LTBP1: variants seen among roughly 807,000 people sequenced by gnomAD.
The protein encoded by LTBP1 is latent transforming growth factor beta binding protein 1.
A neutral mutation model predicts 207.6 loss-of-function variants in LTBP1; 129 were observed. That is an observed-to-expected ratio of 0.62 (90% confidence interval 0.54 to 0.72). The LOEUF is 0.72. Ranked by LOEUF, LTBP1 falls within the 30% of genes least tolerant of loss-of-function variation. The probability of loss-of-function intolerance (pLI) is 0.00; values close to 1 mark genes in which losing one functional copy is unlikely to be tolerated. For missense variants in LTBP1, 2,281 were observed against 2,217.2 expected (o/e 1.03, Z -0.58); for synonymous variants, 963 against 833.7 (o/e 1.16, Z -2.67).
chr2:33,318,476 A>G (rs2094305274), intron 24 of LTBP1, among the ~76,000 whole-genome samples: 1 of 152,236 alleles, frequency 6.6e-6, no homozygotes, highest in Admixed American at 6.5e-5. Context: ...AAAGAAGCCA[A>G]TGGTATGTGT....
At chr2:33,323,453 A>T (rs997368793) in intron 24 of LTBP1, among the ~76,000 whole-genome samples, 7 of 152,180 alleles carry the variant, frequency 4.6e-5, no homozygotes, top group Non-Finnish European at 1.0e-4. Flanking sequence ...CATGGCCAAC[A>T]TGATGAAACC....
intron 9 of LTBP1, among the ~76,000 whole-genome samples, chr2:33,233,396 T>G (rs2149592991): frequency 6.6e-6 from 1 of 152,270 alleles, no homozygotes; most frequent in Non-Finnish European, 1.5e-5. Flanking sequence ...CCTGTTCTTG[T>G]TTTATATTGT....
chr2:33,077,051 G>C (rs747208297), intron 3 of LTBP1, among the ~76,000 whole-genome samples: 20 of 152,172 alleles, frequency 1.3e-4, no homozygotes, highest in South Asian at 8.3e-4. Context: ...AGGTGATATT[G>C]CTGTTTTATA....
intron 20 of LTBP1, among the ~76,000 whole-genome samples, chr2:33,297,675 C>T (rs909751489): frequency 2.0e-5 from 3 of 152,094 alleles, no homozygotes; most frequent in African/African-American, 4.8e-5. Flanking sequence ...CCGCCCACCT[C>T]GGCCTCCCAA....
chr2:33,288,873 A>G (rs1030800618), intron 19 of LTBP1, among the ~76,000 whole-genome samples: 2 of 152,010 alleles, frequency 1.3e-5, no homozygotes, highest in Admixed American at 6.6e-5. Context: ...AAAAAAAAGA[A>G]AAAAGAAAAG....
At chr2:33,227,112 T>C (rs770619008) in intron 9 of LTBP1, among the ~76,000 whole-genome samples, 22 of 152,082 alleles carry the variant, frequency 1.4e-4, no homozygotes, top group Non-Finnish European at 2.8e-4. Flanking sequence ...CTCAGCTCAC[T>C]GCAACCTCCG....
In LTBP1 at chr2:33,398,487, AC is replaced by A; in HGVS notation, c.5109del (p.Tyr1704ThrfsTer5). ...LPGYVPSDKPNYCTPLNTALN... is the reference protein window; with the variant it reads ...LPGYVPSDKPXYCTPLNTALN... ...GGCTACGTGCCTTCTGACAAGCCAA[AC>A]TACTGCACTCCGTTGAATACCGCCT... On this transcript the variant is annotated frameshift_variant, in exon 34 of 34. Transcript: ENST00000404816. LOFTEE classifies it high-confidence loss of function. 1.2e-6 allele frequency: 2 copies of A among 1,614,216 alleles called. No homozygotes were observed. Among genetic ancestry groups the A allele is most frequent in the Non-Finnish European group, 1.7e-6 (2 of 1,180,032 alleles).
At chr2:33,171,209 C>T (rs1238354930) in intron 5 of LTBP1, among the ~76,000 whole-genome samples, 2 of 119,916 alleles carry the variant, frequency 1.7e-5, no homozygotes, top group Non-Finnish European at 3.8e-5. Flanking sequence ...CAAACTACTC[C>T]GAGCTACAGG....
At chr2:33,338,759 C>T (rs946709717) in intron 24 of LTBP1, among the ~76,000 whole-genome samples, 1 of 151,952 alleles carries the variant, frequency 6.6e-6, no homozygotes, top group South Asian at 2.1e-4. Flanking sequence ...ATTCCAGAGA[C>T]GGAAGGAGTA....
intron 5 of LTBP1, among the ~76,000 whole-genome samples, chr2:33,155,582 A>G (rs60616050): frequency 0.036 from 5,427 of 151,982 alleles, 142 homozygotes; most frequent in Middle Eastern, 0.15. Flanking sequence ...GTCTTTACCT[A>G]TTAGATTCAA....
At chr2:32,993,912 G>C (rs186902113) in intron 2 of LTBP1, among the ~76,000 whole-genome samples, 9 of 151,856 alleles carry the variant, frequency 5.9e-5, no homozygotes, top group South Asian at 2.1e-4. Context: ...ATCCCAGGCC[G>C]GGACCTCTGG....
intron 4 of LTBP1, among the ~76,000 whole-genome samples, chr2:33,115,086 A>G (rs938794307): frequency 2.1e-5 from 3 of 141,568 alleles, no homozygotes; most frequent in African/African-American, 7.9e-5. Context: ...ATACACAAAT[A>G]TATATACACA....
At chr2:33,352,456 C>T (rs944481632) in intron 26 of LTBP1, among the ~76,000 whole-genome samples, 13 of 152,018 alleles carry the variant, frequency 8.6e-5, no homozygotes, top group African/African-American at 2.9e-4. Context: ...TGCTAGACAT[C>T]GATACTAGAA....
intron 2 of LTBP1, among the ~76,000 whole-genome samples, chr2:32,990,620 G>C (rs219151): frequency 0.72 from 109,933 of 152,146 alleles, 41,310 homozygotes; most frequent in East Asian, 0.98. Flanking sequence ...TTTTCATATA[G>C]TTTCTAATGA....
rs181460496 is a variant in LTBP1 at position 32,968,795 on chromosome 2, C to T, written c.565+19850C>T. Reference sequence around the variant, plus strand: ...CTGGTGTGCAGTGGTGCAGTCTCATCTCACTGCAACCTCCACCTCCTGGGC... The same window carrying T: ...CTGGTGTGCAGTGGTGCAGTCTCATTTCACTGCAACCTCCACCTCCTGGGC... On this transcript the variant is annotated intron_variant, in intron 2 of 33. Transcript: ENST00000404816. Among the ~76,000 whole-genome samples the T allele has an allele frequency of 1.7e-4, 26 of 150,512 alleles. No individual in the cohort carries two copies. The East Asian group carries it at 4.9e-3, about 28-fold the overall frequency.
chr2:33,012,159 G>A (rs1231404960), intron 2 of LTBP1, among the ~76,000 whole-genome samples: 2 of 152,202 alleles, frequency 1.3e-5, no homozygotes, highest in Admixed American at 1.3e-4. Context: ...TAGCCACAGG[G>A]CGTATGACAG....
intron 3 of LTBP1, among the ~76,000 whole-genome samples, chr2:33,090,717 G>A (rs2079034383): frequency 6.6e-6 from 1 of 152,148 alleles, no homozygotes; most frequent in Non-Finnish European, 1.5e-5. Context: ...GGTTGAGGCG[G>A]TGGGGTGCTT....
chr2:33,098,780 G>C (rs775374061), intron 3 of LTBP1, among the ~76,000 whole-genome samples: 5 of 152,058 alleles, frequency 3.3e-5, no homozygotes, highest in African/African-American at 1.2e-4. Context: ...TATTTTTTCC[G>C]AAAGTCAAAC....
At chr2:33,080,399 C>T (rs1161489759) in intron 3 of LTBP1, among the ~76,000 whole-genome samples, 1 of 152,166 alleles carries the variant, frequency 6.6e-6, no homozygotes, top group Non-Finnish European at 1.5e-5. Context: ...TGGAGTCCTG[C>T]TTAAATCTTC....
Sources: allele counts gnomAD v4.1 joint callset (sites outside exome capture counted in the v4.1 genomes callset), GRCh38; gene constraint gnomAD v4.1.1; transcripts MANE v1.5; gene names NCBI Gene and HGNC (gene_info 2026-07-23, HGNC 2026-07-21).